BAIAP2L1: variants seen among roughly 807,000 people sequenced by gnomAD.
The protein encoded by BAIAP2L1 is BAR/IMD domain-containing adapter protein 2-like 1.
BAIAP2L1 carries 35 observed loss-of-function variants against 66.3 expected under a neutral mutation model. The ratio of observed to expected loss-of-function variants is 0.53; its 90% confidence interval spans 0.40 to 0.70. The LOEUF (loss-of-function observed/expected upper bound fraction) is 0.70, where lower values mean the gene tolerates loss of function less well. BAIAP2L1 is among the 30% of genes least tolerant of loss of function. The pLI, the probability that BAIAP2L1 is intolerant of heterozygous loss-of-function variation, is 0.00. For synonymous variants in BAIAP2L1, 269 were observed against 248.7 expected (o/e 1.08, Z -0.77); for missense variants, 622 against 656.9 (o/e 0.95, Z 0.58).
intron 1 of BAIAP2L1, among the ~76,000 whole-genome samples, chr7:98,377,165 A>G (rs1802653138): frequency 6.6e-6 from 1 of 152,238 alleles, no homozygotes; most frequent in Admixed American, 6.5e-5. Flanking sequence ...ATATAGATAT[A>G]CATATACATA....
intron 10 of BAIAP2L1, 29 bp downstream of exon 10, chr7:98,307,660 C>T (rs1800709173): frequency 1.9e-6 from 3 of 1,612,050 alleles, no homozygotes; most frequent in African/African-American, 1.3e-5. Context: ...CGTCTGGTGC[C>T]CTGCGGGGAC....
chr7:98,350,463 C>T (rs1389480929), intron 3 of BAIAP2L1, among the ~76,000 whole-genome samples: 2 of 152,214 alleles, frequency 1.3e-5, no homozygotes, highest in African/African-American at 4.8e-5. Flanking sequence ...TGAGACCAGC[C>T]TGGCAAACAT....
chr7:98,294,000 G>A (rs73147337), intron 13 of BAIAP2L1, 74 bp downstream of exon 13: 47,107 of 1,528,926 alleles, frequency 0.031, 896 homozygotes, highest in Non-Finnish European at 0.035. Flanking sequence ...GCTGGGCACC[G>A]AAGGCCCTTC....
At chr7:98,377,703 A>C (rs1218257338) in intron 1 of BAIAP2L1, among the ~76,000 whole-genome samples, 1 of 151,084 alleles carries the variant, frequency 6.6e-6, no homozygotes, top group Non-Finnish European at 1.5e-5. Context: ...CTGTAATCCC[A>C]GCTACTCAGG....
At chr7:98,297,781 G>A (rs1053683991) in intron 12 of BAIAP2L1, among the ~76,000 whole-genome samples, 1 of 152,204 alleles carries the variant, frequency 6.6e-6, no homozygotes, top group South Asian at 2.1e-4. Flanking sequence ...GGCCTGCACC[G>A]GGGGCACTGG....
chr7:98,315,712 G>A (rs545908325), intron 6 of BAIAP2L1, 100 bp from the exon 7 acceptor site: 4 of 509,222 alleles, frequency 7.9e-6, no homozygotes, highest in African/African-American at 3.9e-5. Context: ...CTTTACACCT[G>A]CTTTATTTGA....
chr7:98,359,844 C>T (rs1453050565), intron 2 of BAIAP2L1, among the ~76,000 whole-genome samples: 5 of 150,390 alleles, frequency 3.3e-5, no homozygotes, highest in Non-Finnish European at 5.9e-5. Context: ...ATTGCAGCCT[C>T]GAACTTCTGG....
intron 3 of BAIAP2L1, among the ~76,000 whole-genome samples, chr7:98,321,554 A>C (rs1801247884): frequency 6.6e-6 from 1 of 152,152 alleles, no homozygotes; most frequent in African/African-American, 2.4e-5. Context: ...TTGCAATCAT[A>C]TCTCTGCAGT....
intron 1 of BAIAP2L1, among the ~76,000 whole-genome samples, chr7:98,367,061 T>G (rs1164120312): frequency 6.6e-6 from 1 of 151,056 alleles, no homozygotes; most frequent in Non-Finnish European, 1.5e-5. Flanking sequence ...TAATTAAATT[T>G]TTTTTTTTTT....
chr7:98,307,555 C>T, intron 10 of BAIAP2L1, 134 bp downstream of exon 10: 2 of 1,469,362 alleles, frequency 1.4e-6, no homozygotes, highest in Non-Finnish European at 9.0e-7. Flanking sequence ...CTTCAGTTAA[C>T]TAAACTAGAA....
At chr7:98,398,590 CT>C (rs1328404791) in intron 1 of BAIAP2L1, among the ~76,000 whole-genome samples, 1 of 152,130 alleles carries the variant, frequency 6.6e-6, no homozygotes, top group African/African-American at 2.4e-5. Context: ...CTATCAGGTA[CT>C]GGTCTTTGAT....
intron 3 of BAIAP2L1, among the ~76,000 whole-genome samples, chr7:98,337,512 T>TGAGGA (rs150519395): frequency 0.015 from 2,219 of 152,346 alleles, 61 homozygotes; most frequent in African/African-American, 0.051. Flanking sequence ...TGTGAACAGT[T>TGAGGA]GAGGAGAATA....
chr7:98,304,907 C>T (rs1486827489), intron 11 of BAIAP2L1, among the ~76,000 whole-genome samples: 1 of 144,340 alleles, frequency 6.9e-6, no homozygotes, highest in Non-Finnish European at 1.5e-5. Flanking sequence ...CTCTTATTGT[C>T]CAGGGTGGAG....
At chr7:98,313,730 C>A (rs1229788864) in intron 7 of BAIAP2L1, among the ~76,000 whole-genome samples, 2 of 151,676 alleles carry the variant, frequency 1.3e-5, no homozygotes, top group Non-Finnish European at 2.9e-5. Context: ...ACAATCCTTC[C>A]ACCTCAGCCT....
chr7:98,380,184 C>T (rs892336731), intron 1 of BAIAP2L1, among the ~76,000 whole-genome samples: 1 of 151,592 alleles, frequency 6.6e-6, no homozygotes, highest in East Asian at 1.9e-4. Context: ...CTCAAGCGAT[C>T]CTTCTGCCTC....
Position 98,292,428 on chromosome 7 carries a change from CCTCACAAA to C in BAIAP2L1, c.*1085_*1092del, listed in dbSNP as rs1168850718. On this transcript the variant is annotated 3_prime_UTR_variant, in exon 14 of 14. Transcript: ENST00000005260. ...ACCTCAGGTGATCCCCCTGCCTCGG[CCTCACAAA>C]ATGCTGGGATTCCCGTACCTGGGCC... is the stretch of plus-strand genomic sequence containing the variant. The C allele has an allele frequency of 3.5e-6, 2 of 574,736 alleles. No individual in the cohort carries two copies. Among genetic ancestry groups the C allele is most frequent in the Non-Finnish European group, 6.2e-6 (2 of 323,522 alleles). 35.6% of individuals were successfully genotyped at this position (574,736 alleles called of 1,614,324 possible). A position where few individuals can be genotyped will look rare whatever the true frequency, so the allele number is the denominator to read the frequency against.
intron 3 of BAIAP2L1, among the ~76,000 whole-genome samples, chr7:98,352,516 C>T (rs955506823): frequency 6.6e-5 from 10 of 151,988 alleles, no homozygotes; most frequent in Non-Finnish European, 1.5e-5. Context: ...GTGGTGGGCA[C>T]CTGTAATCCC....
intron 12 of BAIAP2L1, among the ~76,000 whole-genome samples, chr7:98,299,278 C>G (rs1197440216): frequency 2.6e-5 from 4 of 152,080 alleles, no homozygotes; most frequent in African/African-American, 9.7e-5. Context: ...CTCGGCCTCC[C>G]AAGGTGCTGG....
At chr7:98,359,567 G>T (rs73141648) in intron 2 of BAIAP2L1, among the ~76,000 whole-genome samples, 176 of 152,134 alleles carry the variant, frequency 1.2e-3, no homozygotes, top group Non-Finnish European at 1.9e-3. Context: ...CATCGCGCCC[G>T]GCCGACTTGC....
Sources: gnomAD v4.1 joint callset for allele counts (sites outside exome capture counted in the v4.1 genomes callset) on GRCh38, gnomAD v4.1.1 for gene constraint, MANE v1.5 for transcripts, NCBI Gene and HGNC (gene_info 2026-07-23, HGNC 2026-07-21) for gene names.